CDH18: variants seen among roughly 807,000 people sequenced by gnomAD.
The protein encoded by CDH18 is cadherin-18.
CDH18 carries 31 observed loss-of-function variants against 67.9 expected under a neutral mutation model. That is an observed-to-expected ratio of 0.46 (90% CI 0.34 to 0.62). The LOEUF is 0.62. Ranked by LOEUF, CDH18 falls within the 20% of genes least tolerant of loss-of-function variation. The pLI is 0.01. For synonymous variants in CDH18, 362 were observed against 347.2 expected (o/e 1.04, Z -0.48); for missense variants, 890 against 975.5 (o/e 0.91, Z 1.17).
chr5:19,918,332 T>C (rs1345839564), intron 2 of CDH18, among the ~76,000 whole-genome samples: 1 of 152,212 alleles, frequency 6.6e-6, no homozygotes, highest in African/African-American at 2.4e-5. Context: ...AGCATTTTAC[T>C]GACTGAATTT....
chr5:20,529,475 A>G (rs188287288), intron 1 of CDH18, among the ~76,000 whole-genome samples: 10 of 152,244 alleles, frequency 6.6e-5, no homozygotes, highest in African/African-American at 2.2e-4. Flanking sequence ...ATGAACATCA[A>G]TGCAAGAATC....
chr5:19,572,822 G>A (rs760959961), intron 7 of CDH18, among the ~76,000 whole-genome samples: 1 of 152,108 alleles, frequency 6.6e-6, no homozygotes, highest in Non-Finnish European at 1.5e-5. Flanking sequence ...TCAGTTCATA[G>A]CAACCAAGCA....
chr5:20,431,487 C>CAAAAAAA (rs560015111), intron 1 of CDH18, among the ~76,000 whole-genome samples: 13 of 66,072 alleles, frequency 2.0e-4, no homozygotes, highest in Admixed American at 3.6e-4. Context: ...GAGTGAAACT[C>CAAAAAAA]AAAAAAAAAA....
chr5:19,655,880 C>T (rs1412642772), intron 5 of CDH18, among the ~76,000 whole-genome samples: 1 of 152,012 alleles, frequency 6.6e-6, no homozygotes, highest in Non-Finnish European at 1.5e-5. Context: ...ACAGGATTTC[C>T]CCAAAGTCAA....
At chr5:19,826,916 C>A (rs1780472104) in intron 3 of CDH18, among the ~76,000 whole-genome samples, 1 of 152,034 alleles carries the variant, frequency 6.6e-6, no homozygotes, top group Non-Finnish European at 1.5e-5. Context: ...CTGAATGTCC[C>A]AGTTAAAGGC....
Position 20,537,827 on chromosome 5 carries a change from G to C in CDH18, c.-580+37635C>G, listed in dbSNP as rs569283977. 7.2e-4 allele frequency among the ~76,000 whole-genome samples: 110 copies of C among 152,280 alleles called. 1 individual carries two copies. The highest frequency in any genetic ancestry group is 2.6e-3 in the African/African-American group (110 of 41,568). ...TTTCTATCTTTGGGAAATGTACTTT[G>C]TCGTCCTCTGTGTTATCAAAACCTG... On this transcript the variant is annotated intron_variant, in intron 1 of 14. Coordinates refer to the CDH18 transcript ENST00000507958.
chr5:20,443,059 A>T (rs1371573605), intron 1 of CDH18, among the ~76,000 whole-genome samples: 1 of 149,838 alleles, frequency 6.7e-6, no homozygotes, highest in Admixed American at 6.6e-5. Flanking sequence ...AATACAAAAA[A>T]ATTAGCCGGG....
At chr5:20,279,699 CA>C (rs1189257278) in intron 1 of CDH18, among the ~76,000 whole-genome samples, 506 of 13,562 alleles carry the variant, frequency 0.037, no homozygotes, top group African/African-American at 0.069. Flanking sequence ...AGCTCTGTCT[CA>C]AAAAAAAAAA....
intron 2 of CDH18, among the ~76,000 whole-genome samples, chr5:20,080,584 A>C (rs1279262417): frequency 6.6e-6 from 1 of 152,166 alleles, no homozygotes; most frequent in Non-Finnish European, 1.5e-5. Context: ...AAAGAGCAGA[A>C]TTGCCTGAAA....
At chr5:20,480,837 A>C (rs1322037521) in intron 1 of CDH18, among the ~76,000 whole-genome samples, 1 of 152,226 alleles carries the variant, frequency 6.6e-6, no homozygotes, top group Middle Eastern at 3.2e-3. Context: ...CTCAAATCAA[A>C]AAGAACTGCC....
intron 2 of CDH18, among the ~76,000 whole-genome samples, chr5:19,945,151 G>A (rs937395903): frequency 6.6e-6 from 1 of 152,068 alleles, no homozygotes; most frequent in Admixed American, 6.6e-5. Context: ...CCCAATGTCT[G>A]CCAGTCCTCT....
chr5:20,025,095 T>A (rs895916896), intron 2 of CDH18, among the ~76,000 whole-genome samples: 1 of 152,246 alleles, frequency 6.6e-6, no homozygotes, highest in Non-Finnish European at 1.5e-5. Flanking sequence ...CCTGTTACTC[T>A]TCTCTGATCA....
At chr5:19,854,319 C>A (rs1435609847) in intron 2 of CDH18, among the ~76,000 whole-genome samples, 5 of 152,028 alleles carry the variant, frequency 3.3e-5, no homozygotes, top group African/African-American at 1.2e-4. Context: ...TAGTTATATA[C>A]AACAGGCCAA....
chr5:19,908,653 C>A (rs78538454), intron 2 of CDH18, among the ~76,000 whole-genome samples: 1 of 151,970 alleles, frequency 6.6e-6, no homozygotes, highest in Non-Finnish European at 1.5e-5. Context: ...GTATATTATC[C>A]GTGCATACAA....
At chr5:20,561,543 T>C (rs1361243203) in intron 1 of CDH18, among the ~76,000 whole-genome samples, 1 of 151,986 alleles carries the variant, frequency 6.6e-6, no homozygotes, top group Non-Finnish European at 1.5e-5. Context: ...TAAGAAATAC[T>C]GGAAAACTAT....
At chr5:19,986,485 T>C (rs909983643) in intron 1 of CDH18, among the ~76,000 whole-genome samples, 1 of 152,218 alleles carries the variant, frequency 6.6e-6, no homozygotes, top group Non-Finnish European at 1.5e-5. Context: ...TTGGTATCAG[T>C]TCCTTTTTGT....
At chr5:19,799,673 G>C (rs965626966) in intron 3 of CDH18, among the ~76,000 whole-genome samples, 2 of 151,994 alleles carry the variant, frequency 1.3e-5, no homozygotes, top group Non-Finnish European at 2.9e-5. Context: ...TATTTCAGAG[G>C]ATTATTTTTT....
At chr5:20,240,984 G>T (rs1251172826) in intron 2 of CDH18, among the ~76,000 whole-genome samples, 2 of 152,032 alleles carry the variant, frequency 1.3e-5, no homozygotes, top group Non-Finnish European at 2.9e-5. Flanking sequence ...GGTGAAAATG[G>T]CAATTATTAT....
intron 11 of CDH18, among the ~76,000 whole-genome samples, chr5:19,496,158 G>C (rs1742292158): frequency 6.6e-6 from 1 of 152,176 alleles, no homozygotes; most frequent in Non-Finnish European, 1.5e-5. Context: ...GCCACTGTGA[G>C]TGCACAAGGA....
Sources: allele counts gnomAD v4.1 joint callset (sites outside exome capture counted in the v4.1 genomes callset), GRCh38; gene constraint gnomAD v4.1.1; transcripts MANE v1.5; gene names NCBI Gene and HGNC (gene_info 2026-07-23, HGNC 2026-07-21).